Variants in CD22 observed in about 807,000 individuals in gnomAD.
CD22 encodes the protein B-cell receptor CD22.
Under a neutral mutation model 94.7 loss-of-function variants are expected in CD22, and 51 were observed. The ratio of observed to expected loss-of-function variants is 0.54; its 90% CI spans 0.43 to 0.68. CD22 has a LOEUF of 0.68. CD22 is among the 30% of genes least tolerant of loss of function. The pLI, the probability that CD22 is intolerant of heterozygous loss-of-function variation, is 0.00. For missense variants in CD22, 931 were observed against 1,060.4 expected (o/e 0.88, Z 1.69); for synonymous variants, 424 against 422.5 (o/e 1.00, Z -0.04).
chr19:35,339,404 A>G (rs1452543077), intron 6 of CD22, among the ~76,000 whole-genome samples: 1 of 151,762 alleles, frequency 6.6e-6, no homozygotes, highest in Non-Finnish European at 1.5e-5. Flanking sequence ...TCTACAAAAA[A>G]AAATTAGCCT....
chr19:35,346,662 C>G lies in CD22; in HGVS notation c.2509C>G (p.Gln837Glu). 6.2e-7 allele frequency: 1 copy of G among 1,609,856 alleles called. No individual in the cohort carries two copies. The highest frequency in any genetic ancestry group is 8.5e-7 in the Non-Finnish European group (1 of 1,178,082). ...QFGVGERPQAQENVDYVILKH is the reference protein window; with the variant it reads ...QFGVGERPQAEENVDYVILKH Reference sequence around the variant, plus strand: ...TGGGGTCGGGGAGCGGCCTCAGGCACAAGAAAATGTGGACTATGTGATCCT... The same window carrying G: ...TGGGGTCGGGGAGCGGCCTCAGGCAGAAGAAAATGTGGACTATGTGATCCT... The change falls in exon 14 of 14, where the codon CAA (glutamine) becomes GAA (glutamate). Residue 837 changes from glutamine (Q) to glutamate (E), a missense_variant. Physicochemically the swap from Gln to Glu is conservative, Grantham distance 29. Coordinates refer to ENST00000085219, the MANE Select transcript of CD22 (RefSeq NM_001771.4).
rs1291868006 is a variant in CD22 at position 35,332,191 on chromosome 19, G to A, written c.34+117G>A. 16 of 1,108,122 alleles carry A rather than the reference G, an allele frequency of 1.4e-5. No homozygotes were observed. In the East Asian group the frequency reaches 2.6e-4, roughly 18 times the overall value. The allele number at this position is 1,108,122 out of a possible 1,614,324, so 68.6% of individuals were successfully genotyped here. On this transcript the variant is annotated intron_variant, in intron 2 of 13. Transcript: ENST00000085219. The stretch of plus-strand genomic sequence containing the variant: ...TAGGGTAGGGTGGGGGCAGCGGTGT[G>A]TATAGATAAATGTACATACAAATAT...
At chr19:35,346,511 G>A (rs1030720060) in intron 13 of CD22, 55 bp from the exon 14 acceptor site, 13 of 1,564,810 alleles carry the variant, frequency 8.3e-6, no homozygotes, top group African/African-American at 8.1e-5. Context: ...GGAGAAAAGC[G>A]GCGGTGGAGG....
chr19:35,346,737 G>A lies in CD22; in HGVS notation c.*40G>A. 1 of 1,554,168 alleles carries A rather than the reference G, an allele frequency of 6.4e-7. No individual in the cohort carries two copies. Among genetic ancestry groups the A allele is most frequent in the Non-Finnish European group, 8.7e-7 (1 of 1,150,018 alleles). On this transcript the variant is annotated 3_prime_UTR_variant, in exon 14 of 14. Coordinates refer to ENST00000085219, the MANE Select transcript of CD22 (RefSeq NM_001771.4). ...CAGCAGAGGCACTGGGGGCAGCGGGGGCCAGGGAAGTCCCCGAGTTTCCCC... is the reference window on the plus strand; with the variant it reads ...CAGCAGAGGCACTGGGGGCAGCGGGAGCCAGGGAAGTCCCCGAGTTTCCCC...
chr19:35,335,882 CAAT>C (rs1250070958), intron 3 of CD22, among the ~76,000 whole-genome samples, 151 bp from the exon 4 acceptor site: 6 of 151,904 alleles, frequency 3.9e-5, no homozygotes, highest in South Asian at 2.1e-4. Flanking sequence ...ACAACAACAA[CAAT>C]AACAACAAAA....
chr19:35,346,000 G>C, intron 12 of CD22, 151 bp from the exon 13 acceptor site: 1 of 665,716 alleles, frequency 1.5e-6, no homozygotes, highest in Non-Finnish European at 2.7e-6. Context: ...ATTTGCACGA[G>C]CTCCTACTGT....
chr19:35,335,663 G>A (rs2066712147), intron 3 of CD22, among the ~76,000 whole-genome samples: 1 of 152,044 alleles, frequency 6.6e-6, no homozygotes, highest in African/African-American at 2.4e-5. Context: ...GACCAGCCTG[G>A]CCAACATGGC....
At chr19:35,343,050 G>A (rs544721102) in intron 9 of CD22, among the ~76,000 whole-genome samples, 9 of 151,394 alleles carry the variant, frequency 5.9e-5, no homozygotes, top group African/African-American at 9.7e-5. Context: ...CGCTCGCCTC[G>A]GCCTTCCAAA....
At chr19:35,332,229 T>A in intron 2 of CD22, 155 bp downstream of exon 2, 1 of 764,252 alleles carries the variant, frequency 1.3e-6, no homozygotes, top group Non-Finnish European at 2.2e-6. Flanking sequence ...ATGTTTCCCA[T>A]ATATACATAC....
chr19:35,330,770 A>AC (rs1372202787), intron 1 of CD22: 16 of 152,272 alleles, frequency 1.1e-4, no homozygotes, highest in Admixed American at 1.0e-3. Flanking sequence ...GTAAATTGGG[A>AC]CTTAAATTTA....
Position 35,346,185 on chromosome 19 carries a change from C to T in CD22, c.2362C>T (p.Pro788Ser), listed in dbSNP as rs2066904532. ...GTCCTCAGAGATGCAGAGACCTCCC[C>T]CGGACTGCGATGACACGGTCACTTA... ...AESSEMQRPP[P>S]DCDDTVTYSA... The change falls in exon 13 of 14, where the codon CCG becomes TCG. Residue 788 changes from proline to serine, a missense_variant. Physicochemically the swap from Pro to Ser is moderately conservative, Grantham distance 74. Transcript: ENST00000085219. 1.2e-6 allele frequency: 2 copies of T among 1,614,058 alleles called. No homozygotes were observed. Among genetic ancestry groups the T allele is most frequent in the South Asian group, 1.1e-5 (1 of 91,082 alleles).
chr19:35,346,799 C>T lies in CD22; in HGVS notation c.*102C>T, dbSNP rs983952078. ...CATGGCTTCCTCCTGCGCGCATGTGCGCACACACACACACACACGCACACA... is the reference window on the plus strand; with the variant it reads ...CATGGCTTCCTCCTGCGCGCATGTGTGCACACACACACACACACGCACACA... On this transcript the variant is annotated 3_prime_UTR_variant, in exon 14 of 14. Coordinates refer to ENST00000085219, the MANE Select transcript of CD22 (RefSeq NM_001771.4). The T allele has an allele frequency of 3.2e-5, 32 of 1,001,648 alleles. No homozygotes were observed. The highest frequency in any genetic ancestry group is 3.2e-4 in the Middle Eastern group (1 of 3,088). 62.0% of individuals were successfully genotyped at this position (1,001,648 alleles called of 1,614,324 possible). A position where few individuals can be genotyped will look rare whatever the true frequency, so the allele number is the denominator to read the frequency against.
intron 1 of CD22, chr19:35,330,637 T>C (rs770188954): frequency 6.6e-6 from 1 of 152,138 alleles, no homozygotes; most frequent in Non-Finnish European, 1.5e-5. Flanking sequence ...GAGAGGAACA[T>C]TGATGCGTGT....
intron 2 of CD22, 110 bp from the exon 3 acceptor site, chr19:35,332,437 C>T: frequency 8.7e-7 from 1 of 1,152,448 alleles, no homozygotes; most frequent in Middle Eastern, 3.0e-4. Context: ...CATAGCAAGA[C>T]CCCTATCTCT....
intron 3 of CD22, among the ~76,000 whole-genome samples, chr19:35,333,467 C>T (rs558741507): frequency 3.9e-5 from 6 of 152,186 alleles, no homozygotes; most frequent in Non-Finnish European, 7.3e-5. Flanking sequence ...CAAATCCACC[C>T]CTACATGTGC....
intron 6 of CD22, among the ~76,000 whole-genome samples, chr19:35,338,763 G>A (rs1238260903): frequency 6.6e-6 from 1 of 152,036 alleles, no homozygotes; most frequent in Admixed American, 6.5e-5. Flanking sequence ...CTGAGTAGCT[G>A]GGATGACAGG....
chr19:35,341,058 G>C lies in CD22; in HGVS notation c.1427G>C (p.Gly476Ala). 3.1e-6 allele frequency: 5 copies of C among 1,614,188 alleles called. No homozygotes were observed. The highest frequency in any genetic ancestry group is 4.2e-6 in the Non-Finnish European group (5 of 1,180,038). ...SLGVLKIQNV[G>A]WDNTTIACAA... ...GGGGTGCTGAAGATCCAAAACGTTG[G>C]CTGGGACAACACAACCATCGCCTGC... Residue 476 changes from glycine (G) to alanine (A), a missense_variant, in exon 7 of 14, where the codon GGC becomes GCC. Coordinates refer to ENST00000085219, the MANE Select transcript of CD22 (RefSeq NM_001771.4). This position sits in a 1 kb window ranked among gnomAD's most constrained non-coding sequence, Gnocchi z 4.0.
At chr19:35,340,709 G>A (rs1428281341) in intron 6 of CD22, among the ~76,000 whole-genome samples, 172 bp from the exon 7 acceptor site, 2 of 152,226 alleles carry the variant, frequency 1.3e-5, no homozygotes, top group African/African-American at 4.8e-5. Flanking sequence ...CAGAGAGCCA[G>A]GGCAGGGTTT....
chr19:35,341,118 C>A lies in CD22; in HGVS notation c.1487C>A (p.Pro496His). ...ACNSWCSWAS[P>H]VALNVQYAPR... ...AATAGTTGGTGCTCGTGGGCCTCCCCTGTCGCCCTGAATGTCCAGTGTGAG... is the reference window on the plus strand; with the variant it reads ...AATAGTTGGTGCTCGTGGGCCTCCCATGTCGCCCTGAATGTCCAGTGTGAG... Residue 496 changes from proline (P) to histidine (H), a missense_variant, in exon 7 of 14, where the codon CCT becomes CAT. By Grantham distance (77) the Pro-to-His change is moderately conservative. Coordinates refer to ENST00000085219, the MANE Select transcript of CD22 (RefSeq NM_001771.4). The surrounding 1 kb of genome is among the most constrained non-coding windows in gnomAD (Gnocchi z 4.0). 1 of 1,614,202 alleles carries A rather than the reference C, an allele frequency of 6.2e-7. No homozygotes were observed. The highest frequency in any genetic ancestry group is 8.5e-7 in the Non-Finnish European group (1 of 1,180,032).
Sources: allele counts gnomAD v4.1 joint callset (sites outside exome capture counted in the v4.1 genomes callset), GRCh38; gene constraint gnomAD v4.1.1; non-coding constraint Gnocchi (gnomAD v3.1); transcripts MANE v1.5; gene names NCBI Gene and HGNC (gene_info 2026-07-23, HGNC 2026-07-21).